The following PLEKHG1 variants were observed in gnomAD, a reference collection of about 807,000 sequenced individuals.
PLEKHG1 encodes the protein pleckstrin homology domain-containing family G member 1.
In PLEKHG1, 44 loss-of-function variants were observed where a neutral mutation model predicts 100.8. The observed-to-expected ratio is 0.44, with a 90% CI of 0.34 to 0.56. The LOEUF (loss-of-function observed/expected upper bound fraction) is 0.56, where lower values mean the gene tolerates loss of function less well. Among genes scored for constraint, PLEKHG1 ranks in the 20% least tolerant of loss-of-function variants. The probability of loss-of-function intolerance (pLI) is 0.01; values close to 1 mark genes in which losing one functional copy is unlikely to be tolerated. For synonymous variants in PLEKHG1, 640 were observed against 662.5 expected (o/e 0.97, Z 0.52); for missense variants, 1,545 against 1,720.9 (o/e 0.90, Z 1.81).
At chr6:150,759,975 G>A (rs1316337961) in intron 2 of PLEKHG1, among the ~76,000 whole-genome samples, 1 of 152,146 alleles carries the variant, frequency 6.6e-6, no homozygotes, top group Non-Finnish European at 1.5e-5. Flanking sequence ...TCACCTGGAT[G>A]ACAGAGCCAG....
chr6:150,801,856 C>T (rs1315446314), intron 6 of PLEKHG1, among the ~76,000 whole-genome samples: 1 of 152,018 alleles, frequency 6.6e-6, no homozygotes, highest in Non-Finnish European at 1.5e-5. Flanking sequence ...AGGAGAAAGA[C>T]AGTACAGCAG....
intron 15 of PLEKHG1, among the ~76,000 whole-genome samples, chr6:150,834,730 C>T (rs1777135714): frequency 6.6e-6 from 1 of 152,138 alleles, no homozygotes; most frequent in South Asian, 2.1e-4. Flanking sequence ...AGCTTTGCGT[C>T]TGGGTCCTTT....
chr6:150,831,595 T>C lies in PLEKHG1; in HGVS notation c.2484T>C (p.Ser828=), dbSNP rs112651406. Residue 828 remains serine (S), a synonymous_variant, in exon 15 of 16, where the codon TCT becomes TCC. Coordinates refer to ENST00000358517, the Ensembl canonical transcript of PLEKHG1. The surrounding 1 kb of genome is among the most constrained non-coding windows in gnomAD (Gnocchi z 4.1). Reference sequence around the variant, plus strand: ...TGTCTATGCCTCATAAGCCTGTATCTGATAAACTGTCCGAAGAAGTAGATG... The same window carrying C: ...TGTCTATGCCTCATAAGCCTGTATCCGATAAACTGTCCGAAGAAGTAGATG... 1 of 1,614,150 alleles carries C rather than the reference T, an allele frequency of 6.2e-7. No individual in the cohort carries two copies. The highest frequency in any genetic ancestry group is 8.5e-7 in the Non-Finnish European group (1 of 1,180,010).
At chr6:150,685,635 C>A (rs964342953) in intron 3 of PLEKHG1, among the ~76,000 whole-genome samples, 2 of 152,106 alleles carry the variant, frequency 1.3e-5, no homozygotes, top group African/African-American at 4.8e-5. Context: ...CACAGTGATA[C>A]TAAAGGTTTT....
chr6:150,666,638 A>G (rs1029765455), intron 3 of PLEKHG1, among the ~76,000 whole-genome samples: 1 of 152,186 alleles, frequency 6.6e-6, no homozygotes, highest in African/African-American at 2.4e-5. Flanking sequence ...AGAAAATTGC[A>G]GTCTGGAGAG....
intron 1 of PLEKHG1, among the ~76,000 whole-genome samples, chr6:150,634,455 C>G (rs749465209): frequency 6.6e-6 from 1 of 152,092 alleles, no homozygotes; most frequent in African/African-American, 2.4e-5. Context: ...AGTATGCCCT[C>G]AGTATGTTAT....
chr6:150,829,601 C>T (rs1776799971), intron 14 of PLEKHG1, among the ~76,000 whole-genome samples: 3 of 152,028 alleles, frequency 2.0e-5, no homozygotes, highest in Admixed American at 2.0e-4. Context: ...TGCATTCCAG[C>T]CTGGGCGACA....
chr6:150,682,149 G>A (rs1302882570), intron 3 of PLEKHG1, among the ~76,000 whole-genome samples: 1 of 152,136 alleles, frequency 6.6e-6, no homozygotes, highest in Non-Finnish European at 1.5e-5. Flanking sequence ...GGTGAGGCCT[G>A]AGCCTGCATG....
chr6:150,661,999 A>T (rs1476457569), intron 3 of PLEKHG1, among the ~76,000 whole-genome samples: 1 of 152,138 alleles, frequency 6.6e-6, no homozygotes, highest in African/African-American at 2.4e-5. Context: ...GGATGAGGAG[A>T]CAGTCAGAAT....
intron 2 of PLEKHG1, among the ~76,000 whole-genome samples, chr6:150,645,381 T>G (rs1778453616): frequency 6.6e-6 from 1 of 152,214 alleles, no homozygotes; most frequent in South Asian, 2.1e-4. Context: ...AAGAATATTT[T>G]CATGTCCTTG....
intron 1 of PLEKHG1, among the ~76,000 whole-genome samples, chr6:150,606,211 T>C (rs1375545200): frequency 2.0e-5 from 3 of 152,286 alleles, no homozygotes; most frequent in South Asian, 4.1e-4. Context: ...TGTGTAGGAG[T>C]GCAGTTGAGC....
rs565625805 is a variant in PLEKHG1, at chr6:150,823,492, G to A, written c.1448-162G>A. Among the ~76,000 whole-genome samples the A allele has an allele frequency of 3.3e-5, 5 of 152,278 alleles. No individual in the cohort carries two copies. In the East Asian group the frequency reaches 9.7e-4, roughly 29 times the overall value. On this transcript the variant is annotated intron_variant, in intron 13 of 15. Coordinates refer to ENST00000358517, the Ensembl canonical transcript of PLEKHG1. ...GTAGTGTGGGGGTATGCAGCTGGGA[G>A]AGCTGACAGGGATTTTCTGAAAATT...
chr6:150,781,777 CTT>C (rs1216383029), intron 3 of PLEKHG1, among the ~76,000 whole-genome samples: 5 of 142,626 alleles, frequency 3.5e-5, no homozygotes, highest in Admixed American at 7.0e-5. Context: ...TTTTCTTTTT[CTT>C]TTTTTTTTTT....
intron 3 of PLEKHG1, among the ~76,000 whole-genome samples, chr6:150,681,227 A>C (rs1301059357): frequency 6.6e-6 from 1 of 152,156 alleles, no homozygotes; most frequent in Non-Finnish European, 1.5e-5. Context: ...CTTGGAGAAA[A>C]GAAAGGATAA....
intron 14 of PLEKHG1, among the ~76,000 whole-genome samples, chr6:150,825,305 G>A (rs967135642): frequency 2.6e-5 from 4 of 152,180 alleles, no homozygotes; most frequent in Non-Finnish European, 5.9e-5. Context: ...GCCAGGTGTG[G>A]TGGCACACAC....
At chr6:150,798,338 T>G (rs1786481659) in intron 5 of PLEKHG1, among the ~76,000 whole-genome samples, 1 of 152,256 alleles carries the variant, frequency 6.6e-6, no homozygotes, top group Non-Finnish European at 1.5e-5. Flanking sequence ...GGGAATTATG[T>G]TTCTATAAAT....
At chr6:150,647,278 A>T (rs982819666) in intron 2 of PLEKHG1, among the ~76,000 whole-genome samples, 18 of 152,176 alleles carry the variant, frequency 1.2e-4, no homozygotes, top group African/African-American at 3.6e-4. Flanking sequence ...AAAAAGCAAG[A>T]TTGGTCTCTT....
intron 3 of PLEKHG1, among the ~76,000 whole-genome samples, chr6:150,678,423 A>G (rs1251879416): frequency 1.3e-5 from 2 of 152,138 alleles, no homozygotes; most frequent in Non-Finnish European, 2.9e-5. Flanking sequence ...TATGCCATTA[A>G]TATATAAGCA....
At chr6:150,832,463 AAG>A (rs1562565197) in intron 15 of PLEKHG1, among the ~76,000 whole-genome samples, 2 of 152,158 alleles carry the variant, frequency 1.3e-5, no homozygotes, top group Non-Finnish European at 1.5e-5. Context: ...TATTTTAAGA[AAG>A]AGTTTTCTCT....
Sources: allele counts gnomAD v4.1 joint callset (sites outside exome capture counted in the v4.1 genomes callset), GRCh38; gene constraint gnomAD v4.1.1; non-coding constraint Gnocchi (gnomAD v3.1); transcripts MANE v1.5; gene names NCBI Gene and HGNC (gene_info 2026-07-23, HGNC 2026-07-21).